The following TSPAN5 variants were observed in gnomAD, a reference collection of about 807,000 sequenced individuals.
TSPAN5 encodes the protein tetraspanin-5.
Under a neutral mutation model 37.1 loss-of-function variants are expected in TSPAN5, and 10 were observed. That is an observed-to-expected ratio of 0.27 (90% CI 0.17 to 0.46). The LOEUF (loss-of-function observed/expected upper bound fraction) is 0.46. TSPAN5 is among the 20% of genes least tolerant of loss of function. TSPAN5 has a pLI of 1.00. For missense variants in TSPAN5, 195 were observed against 326.6 expected (o/e 0.60, Z 3.11); for synonymous variants, 110 against 118.9 (o/e 0.93, Z 0.48).
intron 1 of TSPAN5, among the ~76,000 whole-genome samples, chr4:98,620,765 G>A (rs1199219749): frequency 6.6e-6 from 1 of 152,222 alleles, no homozygotes; most frequent in African/African-American, 2.4e-5. Context: ...AGAGTGAGAG[G>A]AGAGTAAAAA....
intron 1 of TSPAN5, among the ~76,000 whole-genome samples, chr4:98,579,670 A>G (rs1421354434): frequency 6.6e-6 from 1 of 152,252 alleles, no homozygotes; most frequent in Non-Finnish European, 1.5e-5. Context: ...GCTTTCACAC[A>G]CAGCTATCAC....
intron 1 of TSPAN5, among the ~76,000 whole-genome samples, chr4:98,635,907 C>T (rs1756848871): frequency 6.6e-6 from 1 of 152,094 alleles, no homozygotes; most frequent in Non-Finnish European, 1.5e-5. Flanking sequence ...ATAGGGTCTC[C>T]CTAAATAATA....
At chr4:98,635,924 G>A (rs1756849349) in intron 1 of TSPAN5, among the ~76,000 whole-genome samples, 1 of 152,178 alleles carries the variant, frequency 6.6e-6, no homozygotes, top group African/African-American at 2.4e-5. Flanking sequence ...AATAGGGTAG[G>A]GATAGAAGAA....
At chr4:98,592,959 G>T (rs1755687134) in intron 1 of TSPAN5, among the ~76,000 whole-genome samples, 1 of 122,408 alleles carries the variant, frequency 8.2e-6, no homozygotes, top group Non-Finnish European at 1.7e-5. Context: ...ACCCAGTAAT[G>T]GGATGGCTGG....
intron 2 of TSPAN5, among the ~76,000 whole-genome samples, chr4:98,492,841 T>C (rs1753114017): frequency 6.6e-6 from 1 of 152,200 alleles, no homozygotes; most frequent in South Asian, 2.1e-4. Flanking sequence ...ATAACATGGT[T>C]TAACCTCCAA....
intron 1 of TSPAN5, among the ~76,000 whole-genome samples, chr4:98,580,341 T>G (rs1429980566): frequency 6.6e-6 from 1 of 152,216 alleles, no homozygotes; most frequent in Non-Finnish European, 1.5e-5. Context: ...AGAAACATCA[T>G]CTGACTCTGA....
chr4:98,637,778 C>G (rs968289789), intron 1 of TSPAN5, among the ~76,000 whole-genome samples: 1 of 152,196 alleles, frequency 6.6e-6, no homozygotes, highest in Non-Finnish European at 1.5e-5. Flanking sequence ...ATAAATGTTT[C>G]TCTAAATCGC....
chr4:98,537,258 C>T (rs1452892891), intron 1 of TSPAN5, among the ~76,000 whole-genome samples: 3 of 152,170 alleles, frequency 2.0e-5, no homozygotes, highest in Non-Finnish European at 4.4e-5. Context: ...TTCCGCGACC[C>T]CTTGCGCTTC....
At chr4:98,639,322 A>C (rs1229554287) in intron 1 of TSPAN5, among the ~76,000 whole-genome samples, 1 of 151,998 alleles carries the variant, frequency 6.6e-6, no homozygotes, top group Non-Finnish European at 1.5e-5. Context: ...TTCTAATCTA[A>C]TCTAATCTAA....
chr4:98,560,317 C>T (rs941179572), intron 1 of TSPAN5: 1 of 152,196 alleles, frequency 6.6e-6, no homozygotes, highest in Non-Finnish European at 1.5e-5. Flanking sequence ...TCCCCATAAT[C>T]TGTAAAATAT....
intron 1 of TSPAN5, among the ~76,000 whole-genome samples, chr4:98,599,049 T>C (rs561675970): frequency 6.6e-6 from 1 of 152,274 alleles, no homozygotes; most frequent in East Asian, 1.9e-4. Flanking sequence ...CCAGAGGCTA[T>C]TTAGAAAGAA....
chr4:98,505,974 A>G (rs916790550), intron 2 of TSPAN5, among the ~76,000 whole-genome samples: 1 of 152,222 alleles, frequency 6.6e-6, no homozygotes, highest in Admixed American at 6.5e-5. Flanking sequence ...TATTTGTATG[A>G]CACTGCCAGT....
intron 1 of TSPAN5, among the ~76,000 whole-genome samples, chr4:98,523,168 G>A (rs1435609906): frequency 6.6e-6 from 1 of 152,182 alleles, no homozygotes; most frequent in Non-Finnish European, 1.5e-5. Context: ...CACTGCCTTG[G>A]AAACTATCCA....
chr4:98,519,921 A>C (rs1753817419), intron 1 of TSPAN5, among the ~76,000 whole-genome samples: 1 of 152,240 alleles, frequency 6.6e-6, no homozygotes, highest in Admixed American at 6.5e-5. Context: ...GACAAGTGGA[A>C]TCTATCTCGT....
chr4:98,479,466 A>G (rs1338360329), intron 4 of TSPAN5, among the ~76,000 whole-genome samples: 3 of 152,292 alleles, frequency 2.0e-5, no homozygotes, highest in East Asian at 1.9e-4. Flanking sequence ...CTATGAATGG[A>G]CGTGCAGTCA....
At chr4:98,605,840 G>A (rs564035208) in intron 1 of TSPAN5, among the ~76,000 whole-genome samples, 11 of 152,068 alleles carry the variant, frequency 7.2e-5, no homozygotes, top group Non-Finnish European at 1.3e-4. Context: ...AAAAAATCAC[G>A]AACCATTGTG....
chr4:98,564,685 T>C (rs887534986), intron 1 of TSPAN5, among the ~76,000 whole-genome samples: 1 of 152,034 alleles, frequency 6.6e-6, no homozygotes, highest in African/African-American at 2.4e-5. Context: ...ATTGACTGTG[T>C]TTCTAAATTT....
chr4:98,628,195 A>G (rs565756738), intron 1 of TSPAN5, among the ~76,000 whole-genome samples: 231 of 152,344 alleles, frequency 1.5e-3, no homozygotes, highest in Non-Finnish European at 2.8e-3. Context: ...GTACAAAAGG[A>G]CTCATCAGAA....
chr4:98,493,707 C>A (rs891784020), intron 2 of TSPAN5, among the ~76,000 whole-genome samples: 1 of 152,266 alleles, frequency 6.6e-6, no homozygotes, highest in East Asian at 1.9e-4. Context: ...TCTTCGTATG[C>A]AGACTATATG....
Sources: gnomAD v4.1 joint callset for allele counts (sites outside exome capture counted in the v4.1 genomes callset) on GRCh38, gnomAD v4.1.1 for gene constraint, MANE v1.5 for transcripts, NCBI Gene and HGNC (gene_info 2026-07-23, HGNC 2026-07-21) for gene names.